HNRNPU: variants seen among roughly 807,000 people sequenced by gnomAD.
HNRNPU encodes the protein HNRNPU antisense RNA 1.
In HNRNPU, 5 loss-of-function variants were observed where a neutral mutation model predicts 94.7. That is an observed-to-expected ratio of 0.05 (90% CI 0.03 to 0.11). HNRNPU has a LOEUF of 0.11. Among genes scored for constraint, HNRNPU ranks in the 10% least tolerant of loss-of-function variants. HNRNPU has a pLI of 1.00. For missense variants in HNRNPU, 710 were observed against 1,049.2 expected (o/e 0.68, Z 4.47); for synonymous variants, 434 against 381.6 (o/e 1.14, Z -1.60).
chr1:244,855,617 C>A lies in HNRNPU; in HGVS notation c.2168-9G>T, dbSNP rs1680658623. On this transcript the variant is annotated splice_polypyrimidine_tract_variant and intron_variant, in intron 11 of 13. Coordinates refer to ENST00000640218, the MANE Select transcript of HNRNPU (RefSeq NM_031844.3). Reference sequence around the variant, plus strand: ...GCCACGATTCCCAGGGGCTAAAAGACAAGAGCTGTTTTAGTTTCATTGTAT... The same window carrying A: ...GCCACGATTCCCAGGGGCTAAAAGAAAAGAGCTGTTTTAGTTTCATTGTAT... The A allele has an allele frequency of 6.2e-7, 1 of 1,613,636 alleles. No individual in the cohort carries two copies. Among genetic ancestry groups the A allele is most frequent in the Non-Finnish European group, 8.5e-7 (1 of 1,179,666 alleles).
rs762776290 is a variant in HNRNPU, at chr1:244,857,557, T to C, written c.1614+41A>G. On this transcript the variant is annotated intron_variant, in intron 8 of 13. Coordinates refer to ENST00000640218, the MANE Select transcript of HNRNPU (RefSeq NM_031844.3). ...CCACCATGCCCAGCCTCTCCCAGTC[T>C]ATTTTAAACACTGAGATCAGGCCCT... is the stretch of plus-strand genomic sequence containing the variant. 5 of 1,593,194 alleles carry C rather than the reference T, an allele frequency of 3.1e-6. No homozygotes were observed. The African/African-American group carries it at 6.8e-5, about 22-fold the overall frequency.
At chr1:244,860,107 C>T (rs1680786993) in intron 4 of HNRNPU, 4 of 417,740 alleles carry the variant, frequency 9.6e-6, no homozygotes, top group Non-Finnish European at 8.4e-6. Context: ...GGCGACCAGC[C>T]TGGCCTACGT....
In HNRNPU at chr1:244,855,406, G is replaced by A. The variant is rs1303634259; in HGVS notation, c.2352+18C>T. ...GCTACAGTTATCAATCATGCTTCCA[G>A]GGATCTTGAATCATTACCTGGTTGT... is the stretch of plus-strand genomic sequence containing the variant. On this transcript the variant is annotated intron_variant, in intron 12 of 13. Coordinates refer to ENST00000640218, the MANE Select transcript of HNRNPU (RefSeq NM_031844.3). 6.2e-7 allele frequency: 1 copy of A among 1,609,400 alleles called. No individual in the cohort carries two copies. The highest frequency in any genetic ancestry group is 1.1e-5 in the South Asian group (1 of 90,918).
chr1:244,857,969 C>A, intron 7 of HNRNPU, 42 bp downstream of exon 7: 1 of 1,547,488 alleles, frequency 6.5e-7, no homozygotes, highest in Non-Finnish European at 8.7e-7. Context: ...GCCAGGCAAG[C>A]AATATTCAAA....
rs1060504188 is a variant in HNRNPU at position 244,855,529 on chromosome 1, G to A, written c.2247C>T (p.Ile749=). 1.7e-5 allele frequency: 27 copies of A among 1,613,834 alleles called. 1 individual carries two copies. The highest frequency in any genetic ancestry group is 5.5e-5 in the South Asian group (5 of 91,078). Residue 749 remains isoleucine (I), a synonymous_variant, in exon 12 of 14, where the codon ATC becomes ATT. Transcript: ENST00000640218. ...CAGGGGCACGAGGGTATGGATAGCC[G>A]ATTCCACCACTTCCTCCACCGCCAC... ...RGGGGGGSGG[I]GYPYPRAPVF...
rs1680714477 is a variant in HNRNPU, at chr1:244,857,615, T to C, written c.1597A>G (p.Ile533Val). The change falls in exon 8 of 14, where the codon ATT becomes GTT. Residue 533 changes from isoleucine (I) to valine (V), a missense_variant. By Grantham distance (29) the Ile-to-Val change is conservative (BLOSUM62 3). Coordinates refer to ENST00000640218, the MANE Select transcript of HNRNPU (RefSeq NM_031844.3). ...TTACTTACCATCATCTTATCCATAA[T>C]AGTATTTGTGCCAAGAATGTTATAT... ...GKYNILGTNT[I>V]MDKMMVAGFK... 1.9e-6 allele frequency: 3 copies of C among 1,613,494 alleles called. No homozygotes were observed. The highest frequency in any genetic ancestry group is 2.5e-6 in the Non-Finnish European group (3 of 1,179,492).
rs1157355348 is a variant in HNRNPU at position 244,858,089 on chromosome 1, C to G, written c.1416G>C (p.Glu472Asp). ...KEKPYFPIPE[E>D]YTFIQNVPLE... ...AGGGGACGTTCTGGATGAAAGTATACTCTTCAGGTATTGGAAAATATGGCT... is the reference window on the plus strand; with the variant it reads ...AGGGGACGTTCTGGATGAAAGTATAGTCTTCAGGTATTGGAAAATATGGCT... Residue 472 changes from glutamate (E) to aspartate (D), a missense_variant, in exon 7 of 14, where the codon GAG (glutamate) becomes GAC (aspartate). Glu to Asp is a conservative substitution (Grantham distance 45). Coordinates refer to ENST00000640218, the MANE Select transcript of HNRNPU (RefSeq NM_031844.3). The G allele has an allele frequency of 6.2e-7, 1 of 1,613,900 alleles. No homozygotes were observed. Among genetic ancestry groups the G allele is most frequent in the Non-Finnish European group, 8.5e-7 (1 of 1,179,944 alleles).
intron 1 of HNRNPU, chr1:244,863,103 G>A (rs940700550): frequency 3.5e-5 from 6 of 171,796 alleles, no homozygotes; most frequent in Admixed American, 7.1e-5. Flanking sequence ...CTGATCTTCC[G>A]CCCCCCGCCC....
rs1680945470 is a variant in HNRNPU, at chr1:244,864,403, G to A, written c.-96C>T. 1.3e-6 allele frequency: 2 copies of A among 1,567,464 alleles called. No individual in the cohort carries two copies. Among genetic ancestry groups the A allele is most frequent in the Admixed American group, 2.1e-5 (1 of 48,272 alleles). On this transcript the variant is annotated 5_prime_UTR_variant, in exon 1 of 14. Transcript: ENST00000640218. ...CTGCTGCGGCTGCTCCTCGGCCCGG[G>A]CGGCGGCTGCGGCTGCGGCTGGAGA...
At chr1:244,857,327 C>T (rs944734344) in intron 8 of HNRNPU, 2 of 319,558 alleles carry the variant, frequency 6.3e-6, no homozygotes, top group African/African-American at 2.2e-5. Context: ...CTCACTGCAA[C>T]CTCTGCCTCC....
chr1:244,857,774 T>A (rs1680718408), intron 7 of HNRNPU, 57 bp from the exon 8 acceptor site: 2 of 1,570,360 alleles, frequency 1.3e-6, no homozygotes, highest in South Asian at 2.3e-5. Flanking sequence ...CTAATAATTC[T>A]TTAAATATTG....
rs975192120 is a variant in HNRNPU, at chr1:244,852,120, C to T, written c.*2330G>A. 1 of 152,174 alleles carries T rather than the reference C, an allele frequency of 6.6e-6. No individual in the cohort carries two copies. Among genetic ancestry groups the T allele is most frequent in the East Asian group, 1.9e-4 (1 of 5,198 alleles). 9.4% of individuals were successfully genotyped at this position (152,174 alleles called of 1,614,324 possible). A position where few individuals can be genotyped will look rare whatever the true frequency, so the allele number is the denominator to read the frequency against. ...GGCAAGGGAAGGATGAGCAATAAAT[C>T]AGGTTTCTCGTTCGTATCTTACTTC... On this transcript the variant is annotated 3_prime_UTR_variant, in exon 14 of 14. Transcript: ENST00000640218.
intron 1 of HNRNPU, chr1:244,862,968 A>C: frequency 2.1e-5 from 12 of 559,052 alleles, no homozygotes; most frequent in Non-Finnish European, 6.4e-6. Flanking sequence ...CCAAAGAAAA[A>C]CTGCGCGGCC....
intron 6 of HNRNPU, 135 bp from the exon 7 acceptor site, chr1:244,858,409 C>A: frequency 1.3e-6 from 1 of 748,078 alleles, no homozygotes; most frequent in Non-Finnish European, 2.1e-6. Flanking sequence ...CCTTTAAGGG[C>A]TACACAGTTA....
At position 244,860,771 on chromosome 1, in the gene HNRNPU, C is replaced by A. The variant is rs1680804471; in HGVS notation, c.878-297G>T. The A allele has an allele frequency of 7.6e-6, 3 of 395,970 alleles. No individual in the cohort carries two copies. In the Admixed American group the frequency reaches 1.4e-4, roughly 18 times the overall value. The allele number at this position is 395,970 out of a possible 1,614,324, so 24.5% of individuals were successfully genotyped here. On this transcript the variant is annotated intron_variant, in intron 3 of 13. Coordinates refer to ENST00000640218, the MANE Select transcript of HNRNPU (RefSeq NM_031844.3). ...GACATTAATACATACCTGCTCTGCT[C>A]TTTACCTTGATTTAGAGGCAAGCAG...
At chr1:244,860,506 G>A (rs992004879) in intron 3 of HNRNPU, 32 bp from the exon 4 acceptor site, 3 of 1,553,950 alleles carry the variant, frequency 1.9e-6, no homozygotes, top group African/African-American at 1.4e-5. Flanking sequence ...TGTTACTTTT[G>A]ACATCCAATG....
chr1:244,856,600 C>T lies in HNRNPU; in HGVS notation c.1769G>A (p.Arg590Lys), dbSNP rs1228992930. Residue 590 changes from arginine to lysine, a missense_variant, in exon 10 of 14, where the codon AGG becomes AAG. Arg to Lys is a conservative substitution (Grantham distance 26). Transcript: ENST00000640218. ...GCCTGCAAACAGGCACATTTTTCTC[C>T]TCTGGGCAGCAGCAGACACATTTGT... ...DQTNVSAAAQ[R>K]RKMCLFAGFQ... The T allele has an allele frequency of 1.2e-6, 2 of 1,613,904 alleles. No individual in the cohort carries two copies. The highest frequency in any genetic ancestry group is 1.7e-6 in the Non-Finnish European group (2 of 1,180,004).
chr1:244,863,074 T>G, intron 1 of HNRNPU: 1 of 271,968 alleles, frequency 3.7e-6, no homozygotes, highest in East Asian at 9.4e-5. Context: ...GGGCCCGCGC[T>G]CCCCGCGGCC....
In HNRNPU at chr1:244,850,702, ATT is replaced by A. The variant is rs1272237882; in HGVS notation, c.*3746_*3747del. The A allele has an allele frequency of 6.6e-6, 1 of 152,232 alleles. No homozygotes were observed. The highest frequency in any genetic ancestry group is 1.9e-4 in the East Asian group (1 of 5,188). The allele number at this position is 152,232 out of a possible 1,614,324, so 9.4% of individuals were successfully genotyped here. A position where few individuals can be genotyped will look rare whatever the true frequency, so the allele number is the denominator to read the frequency against. Reference sequence around the variant, plus strand: ...TCCCAATGCATGGGTATTGCAACCTATTGTCAGGCCTTAACATGTATGTGTTT... The same window carrying A: ...TCCCAATGCATGGGTATTGCAACCTAGTCAGGCCTTAACATGTATGTGTTT... On this transcript the variant is annotated 3_prime_UTR_variant, in exon 14 of 14. Coordinates refer to ENST00000640218, the MANE Select transcript of HNRNPU (RefSeq NM_031844.3).
Sources: allele counts gnomAD v4.1 joint callset, GRCh38; gene constraint gnomAD v4.1.1; transcripts MANE v1.5; gene names NCBI Gene and HGNC (gene_info 2026-07-23, HGNC 2026-07-21).